Variants in SCARF1 observed in about 807,000 individuals in gnomAD.
SCARF1 encodes the protein acetyl LDL receptor.
Under a neutral mutation model 76.3 loss-of-function variants are expected in SCARF1, and 49 were observed. That is an observed-to-expected ratio of 0.64 (90% confidence interval 0.51 to 0.81). The LOEUF is 0.81. Ranked by LOEUF, SCARF1 falls within the 40% of genes least tolerant of loss-of-function variation. The pLI is 0.00. For missense variants in SCARF1, 1,098 were observed against 1,143.9 expected (o/e 0.96, Z 0.58); for synonymous variants, 495 against 474.6 (o/e 1.04, Z -0.56).
rs992493622 is a variant in SCARF1 at position 1,640,312 on chromosome 17, C to G, written c.1010+136G>C. 4.5e-6 allele frequency: 4 copies of G among 882,596 alleles called. No homozygotes were observed. The highest frequency in any genetic ancestry group is 1.7e-5 in the South Asian group (1 of 57,604). 54.7% of individuals were successfully genotyped at this position (882,596 alleles called of 1,614,324 possible). A position where few individuals can be genotyped will look rare whatever the true frequency, so the allele number is the denominator to read the frequency against. On this transcript the variant is annotated intron_variant, in intron 5 of 10. Transcript: ENST00000263071. This position sits in a 1 kb window ranked among gnomAD's most constrained non-coding sequence, Gnocchi z 4.7. Reference sequence around the variant, plus strand: ...CCCCCCAGAACCCACTGCTCTCCCCCAGTCTTCAACAGGAGGGAGGCCCCT... The same window carrying G: ...CCCCCCAGAACCCACTGCTCTCCCCGAGTCTTCAACAGGAGGGAGGCCCCT...
rs1035435370 is a variant in SCARF1 at position 1,644,718 on chromosome 17, G to C, written c.265+116C>G. 20 of 944,942 alleles carry C rather than the reference G, an allele frequency of 2.1e-5. No homozygotes were observed. Among genetic ancestry groups the C allele is most frequent in the Admixed American group, 8.4e-5 (4 of 47,764 alleles). 58.5% of individuals were successfully genotyped at this position (944,942 alleles called of 1,614,324 possible). A position where few individuals can be genotyped will look rare whatever the true frequency, so the allele number is the denominator to read the frequency against. Reference sequence around the variant, plus strand: ...GACCGCAATTCCTCAGTGAAGCTGGGGGGGATTCTGGCCCTGCTGTCCTGA... The same window carrying C: ...GACCGCAATTCCTCAGTGAAGCTGGCGGGGATTCTGGCCCTGCTGTCCTGA... On this transcript the variant is annotated intron_variant, in intron 3 of 10. Coordinates refer to ENST00000263071, the MANE Select transcript of SCARF1 (RefSeq NM_003693.4). This position sits in a 1 kb window ranked among gnomAD's most constrained non-coding sequence, Gnocchi z 4.8.
In SCARF1 at chr17:1,635,095, T is replaced by C; in HGVS notation, c.2156A>G (p.Gln719Arg). Reference sequence around the variant, plus strand: ...GGCCCTCTTGACCTTGGCTTCCGCCTGGCCTTTCTGGAAGCTACCAAAATG... The same window carrying C: ...GGCCCTCTTGACCTTGGCTTCCGCCCGGCCTTTCTGGAAGCTACCAAAATG... ...FRHFGSFQKG[Q>R]AEAKVKRAIP... Residue 719 changes from glutamine to arginine, a missense_variant, in exon 11 of 11, where the codon CAG (glutamine) becomes CGG (arginine). Coordinates refer to ENST00000263071, the MANE Select transcript of SCARF1 (RefSeq NM_003693.4). 6.2e-7 allele frequency: 1 copy of C among 1,613,940 alleles called. No individual in the cohort carries two copies. The highest frequency in any genetic ancestry group is 1.3e-5 in the African/African-American group (1 of 75,080).
chr17:1,643,971 C>CG lies in SCARF1; in HGVS notation c.266-5dup. 8.5e-7 allele frequency: 1 copy of CG among 1,171,878 alleles called. No individual in the cohort carries two copies. Among genetic ancestry groups the CG allele is most frequent in the Non-Finnish European group, 1.1e-6 (1 of 915,712 alleles). The allele number at this position is 1,171,878 out of a possible 1,614,324, so 72.6% of individuals were successfully genotyped here. On this transcript the variant is annotated splice_region_variant and splice_polypyrimidine_tract_variant and intron_variant, in intron 3 of 10. Coordinates refer to ENST00000263071, the MANE Select transcript of SCARF1 (RefSeq NM_003693.4). ...CCCCAGTACTGGCCCGGGCAGCCTG[C>CG]GGGGGTGGGGACGGGAGGGGTCAGC...
intron 8 of SCARF1, 130 bp downstream of exon 8, chr17:1,638,676 C>T: frequency 1.6e-6 from 2 of 1,266,792 alleles, no homozygotes; most frequent in Non-Finnish European, 2.1e-6. Context: ...GCCAGCCCTC[C>T]CCACCCCCAT....
chr17:1,639,379 C>A (rs1205929947), intron 7 of SCARF1, among the ~76,000 whole-genome samples: 1 of 152,158 alleles, frequency 6.6e-6, no homozygotes, highest in Non-Finnish European at 1.5e-5. Context: ...GAGGCGTGCG[C>A]CTGTAATCCC....
chr17:1,640,652 T>C lies in SCARF1; in HGVS notation c.806A>G (p.Lys269Arg). The C allele has an allele frequency of 1.2e-6, 2 of 1,612,232 alleles. No homozygotes were observed. The highest frequency in any genetic ancestry group is 4.5e-5 in the East Asian group (2 of 44,848). ...GTCTGGAGAGCACGGCTCATTGTGTTTGCAGCGGCCACAGCTGGGAAGAGA... is the reference window on the plus strand; with the variant it reads ...GTCTGGAGAGCACGGCTCATTGTGTCTGCAGCGGCCACAGCTGGGAAGAGA... ...VQCAHSCGRC[K>R]HNEPCSPDTG... The change falls in exon 5 of 11, where the codon AAA becomes AGA. Residue 269 changes from lysine to arginine, a missense_variant. Lys to Arg is a conservative substitution (Grantham distance 26). Coordinates refer to ENST00000263071, the MANE Select transcript of SCARF1 (RefSeq NM_003693.4). This position sits in a 1 kb window ranked among gnomAD's most constrained non-coding sequence, Gnocchi z 4.7.
chr17:1,641,708 A>C (rs1910065399), intron 4 of SCARF1, among the ~76,000 whole-genome samples: 1 of 152,048 alleles, frequency 6.6e-6, no homozygotes, highest in African/African-American at 2.4e-5. Flanking sequence ...CAGCATTTTT[A>C]TTTCTTATTT....
chr17:1,640,220 A>G lies in SCARF1; in HGVS notation c.1011-180T>C. On this transcript the variant is annotated intron_variant, in intron 5 of 10. Coordinates refer to ENST00000263071, the MANE Select transcript of SCARF1 (RefSeq NM_003693.4). This position sits in a 1 kb window ranked among gnomAD's most constrained non-coding sequence, Gnocchi z 4.7. ...GGCCAAATCCAGCAGGTGACAGACT[A>G]CAAGTCCCCAGAGGGCGAGGAGGGC... 3 of 804,338 alleles carry G rather than the reference A, an allele frequency of 3.7e-6. No homozygotes were observed. Among genetic ancestry groups the G allele is most frequent in the Non-Finnish European group, 5.8e-6 (3 of 520,728 alleles). 49.8% of individuals were successfully genotyped at this position (804,338 alleles called of 1,614,324 possible).
chr17:1,645,385 GCCCCT>G lies in SCARF1; in HGVS notation c.102-151_102-147del. 3 of 1,385,966 alleles carry G rather than the reference GCCCCT, an allele frequency of 2.2e-6. No individual in the cohort carries two copies. The highest frequency in any genetic ancestry group is 2.9e-6 in the Non-Finnish European group (3 of 1,020,478). 85.9% of individuals were successfully genotyped at this position (1,385,966 alleles called of 1,614,324 possible). A position where few individuals can be genotyped will look rare whatever the true frequency, so the allele number is the denominator to read the frequency against. On this transcript the variant is annotated intron_variant, in intron 1 of 10. Coordinates refer to ENST00000263071, the MANE Select transcript of SCARF1 (RefSeq NM_003693.4). This position sits in a 1 kb window ranked among gnomAD's most constrained non-coding sequence, Gnocchi z 6.3. ...TGGATCTTTACAGCTAGGGTCCCCA[GCCCCT>G]CCCCTCTCCTTCCCTGACCCTTCCA...
Position 1,643,468 on chromosome 17 carries a change from G to A in SCARF1, c.765C>T (p.Gly255=), listed in dbSNP as rs1910253738. The change falls in exon 4 of 11, where the codon GGC becomes GGT. Residue 255 remains glycine (G), a synonymous_variant. Transcript: ENST00000263071. ...TGTGTGCGCACTGCACCCCGTGGCT[G>A]CCTGCCGGGCAGGGCAGCTCGCAGC... ...GARCELPCPA[G]SHGVQCAHSC... The A allele has an allele frequency of 2.3e-6, 3 of 1,296,434 alleles. No individual in the cohort carries two copies. Among genetic ancestry groups the A allele is most frequent in the East Asian group, 6.4e-5 (2 of 31,300 alleles). The allele number at this position is 1,296,434 out of a possible 1,614,324, so 80.3% of individuals were successfully genotyped here.
rs569541194 is a variant in SCARF1, at chr17:1,645,013, G to C, written c.164-78C>G. ...CCCTGCCCTCTCACTGGCTCCAGGG[G>C]CCATGCCTCCTCAAGAGGTGCCCCT... On this transcript the variant is annotated intron_variant, in intron 2 of 10. Coordinates refer to ENST00000263071, the MANE Select transcript of SCARF1 (RefSeq NM_003693.4). The surrounding 1 kb of genome is among the most constrained non-coding windows in gnomAD (Gnocchi z 6.3). The C allele has an allele frequency of 5.2e-6, 8 of 1,547,876 alleles. No homozygotes were observed. The African/African-American group carries it at 9.5e-5, about 18-fold the overall frequency.
At chr17:1,641,478 T>C (rs1343318416) in intron 4 of SCARF1, among the ~76,000 whole-genome samples, 1 of 152,220 alleles carries the variant, frequency 6.6e-6, no homozygotes, top group Non-Finnish European at 1.5e-5. Context: ...ATAGAAAAAT[T>C]GTCTGCCATG....
In SCARF1 at chr17:1,634,455, C is replaced by T. The variant is rs1314007289; in HGVS notation, c.*303G>A. On this transcript the variant is annotated 3_prime_UTR_variant, in exon 11 of 11. Coordinates refer to ENST00000263071, the MANE Select transcript of SCARF1 (RefSeq NM_003693.4). Reference sequence around the variant, plus strand: ...CAAACATGTAGGTTGTTTGCTATTTCAGAAAAATGTTTTGCACGTGAAAGA... The same window carrying T: ...CAAACATGTAGGTTGTTTGCTATTTTAGAAAAATGTTTTGCACGTGAAAGA... The T allele has an allele frequency of 5.0e-6, 2 of 398,520 alleles. No homozygotes were observed. 24.7% of individuals were successfully genotyped at this position (398,520 alleles called of 1,614,324 possible).
Position 1,643,458 on chromosome 17 carries a change from C to G in SCARF1, c.775G>C (p.Val259Leu). ...ELPCPAGSHGVQCAHSCGRCK... is the reference protein window; with the variant it reads ...ELPCPAGSHGLQCAHSCGRCK... ...CCCGCTCACCTGTGTGCGCACTGCA[C>G]CCCGTGGCTGCCTGCCGGGCAGGGC... is the stretch of plus-strand genomic sequence containing the variant. Residue 259 changes from valine to leucine, a missense_variant, in exon 4 of 11, where the codon GTG becomes CTG. Coordinates refer to ENST00000263071, the MANE Select transcript of SCARF1 (RefSeq NM_003693.4). 7.7e-7 allele frequency: 1 copy of G among 1,292,514 alleles called. No individual in the cohort carries two copies. 80.1% of individuals were successfully genotyped at this position (1,292,514 alleles called of 1,614,324 possible).
In SCARF1 at chr17:1,641,186, G is replaced by A. The variant is rs544417674; in HGVS notation, c.792-520C>T. Among the ~76,000 whole-genome samples the A allele has an allele frequency of 1.1e-4, 16 of 152,348 alleles. No individual in the cohort carries two copies. The East Asian group carries it at 2.3e-3, about 22-fold the overall frequency. ...GGCATGTTAGGAACTGGGCGACAGC[G>A]TAGAGATGACCAGCAGGGGAGCCTG... On this transcript the variant is annotated intron_variant, in intron 4 of 10. Coordinates refer to ENST00000263071, the MANE Select transcript of SCARF1 (RefSeq NM_003693.4).
rs1909926595 is a variant in SCARF1, at chr17:1,640,259, G to T, written c.1010+189C>A. On this transcript the variant is annotated intron_variant, in intron 5 of 10. Transcript: ENST00000263071. The surrounding 1 kb of genome is among the most constrained non-coding windows in gnomAD (Gnocchi z 4.7). ...GGCGAGGAGGGCAGGAAGCCTCAGAGGGGAGGGAGCTGGGATCCTGCCCAG... is the reference window on the plus strand; with the variant it reads ...GGCGAGGAGGGCAGGAAGCCTCAGATGGGAGGGAGCTGGGATCCTGCCCAG... The T allele has an allele frequency of 2.6e-6, 2 of 761,360 alleles. No individual in the cohort carries two copies. The highest frequency in any genetic ancestry group is 2.9e-5 in the Admixed American group (1 of 34,514). The allele number at this position is 761,360 out of a possible 1,614,324, so 47.2% of individuals were successfully genotyped here.
Position 1,640,282 on chromosome 17 carries a change from C to G in SCARF1, c.1010+166G>C. ...GAGGGGAGGGAGCTGGGATCCTGCC[C>G]AGGCCCCCCCAGAACCCACTGCTCT... On this transcript the variant is annotated intron_variant, in intron 5 of 10. Coordinates refer to ENST00000263071, the MANE Select transcript of SCARF1 (RefSeq NM_003693.4). This position sits in a 1 kb window ranked among gnomAD's most constrained non-coding sequence, Gnocchi z 4.7. 4 of 789,666 alleles carry G rather than the reference C, an allele frequency of 5.1e-6. No homozygotes were observed. The highest frequency in any genetic ancestry group is 4.0e-6 in the Non-Finnish European group (2 of 504,708). 48.9% of individuals were successfully genotyped at this position (789,666 alleles called of 1,614,324 possible).
Position 1,645,209 on chromosome 17 carries a change from G to A in SCARF1, c.132C>T (p.Gly44=). The change falls in exon 2 of 11, where the codon GGC becomes GGT. Residue 44 remains glycine, a synonymous_variant. Transcript: ENST00000263071. This position sits in a 1 kb window ranked among gnomAD's most constrained non-coding sequence, Gnocchi z 6.3. ...TGCATTCTTGATCCTTCTGCCTCCAGCCTGCGCAGCACTGCAGCTCAGCAG... is the reference window on the plus strand; with the variant it reads ...TGCATTCTTGATCCTTCTGCCTCCAACCTGCGCAGCACTGCAGCTCAGCAG... The part of the protein sequence containing the change: ...SPSAELQCCA[G]WRQKDQECTI... 1.2e-6 allele frequency: 2 copies of A among 1,613,606 alleles called. No homozygotes were observed. Among genetic ancestry groups the A allele is most frequent in the Non-Finnish European group, 1.7e-6 (2 of 1,179,982 alleles).
rs1909350494 is a variant in SCARF1, at chr17:1,634,512, A to T, written c.*246T>A. Reference sequence around the variant, plus strand: ...AGCCCTTATGAGGCACACAGGGTCCAGGACAGCAGAGCAAAAGTCCCTGCA... The same window carrying T: ...AGCCCTTATGAGGCACACAGGGTCCTGGACAGCAGAGCAAAAGTCCCTGCA... On this transcript the variant is annotated 3_prime_UTR_variant, in exon 11 of 11. Coordinates refer to ENST00000263071, the MANE Select transcript of SCARF1 (RefSeq NM_003693.4). 2.3e-6 allele frequency: 1 copy of T among 438,812 alleles called. No homozygotes were observed. Among genetic ancestry groups the T allele is most frequent in the Non-Finnish European group, 4.0e-6 (1 of 251,214 alleles). 27.2% of individuals were successfully genotyped at this position (438,812 alleles called of 1,614,324 possible). A position where few individuals can be genotyped will look rare whatever the true frequency, so the allele number is the denominator to read the frequency against.
Sources: gnomAD v4.1 joint callset for allele counts (sites outside exome capture counted in the v4.1 genomes callset) on GRCh38, gnomAD v4.1.1 for gene constraint, Gnocchi (gnomAD v3.1) non-coding constraint, MANE v1.5 for transcripts, NCBI Gene and HGNC (gene_info 2026-07-23, HGNC 2026-07-21) for gene names.